The following CSMD1 variants were observed in gnomAD, a reference collection of about 807,000 sequenced individuals.
The protein encoded by CSMD1 is CUB and sushi domain-containing protein 1.
Under a neutral mutation model 417.5 loss-of-function variants are expected in CSMD1, and 213 were observed. That is an observed-to-expected ratio of 0.51 (90% CI 0.46 to 0.57). The LOEUF is 0.57. Ranked by LOEUF, CSMD1 falls within the 20% of genes least tolerant of loss-of-function variation. The probability of loss-of-function intolerance (pLI) is 0.00; values close to 1 mark genes in which losing one functional copy is unlikely to be tolerated. For missense variants in CSMD1, 6,923 were observed against 4,529.7 expected, an observed-to-expected ratio of 1.53 and a Z score of -15.17; for synonymous variants, 2,862 against 1,736.8, an observed-to-expected ratio of 1.65 and a Z score of -16.11.
At chr8:4,312,396 T>TATATATAC (rs1159507543) in intron 3 of CSMD1, among the ~76,000 whole-genome samples, 3 of 99,068 alleles carry the variant, frequency 3.0e-5, no homozygotes, top group African/African-American at 2.3e-4. Flanking sequence ...TATATATACA[T>TATATATAC]ACATATATAT....
chr8:3,772,476 T>TAC (rs1563064465), intron 5 of CSMD1, among the ~76,000 whole-genome samples: 358 of 34,300 alleles, frequency 0.01, 61 homozygotes, highest in Non-Finnish European at 0.012. Context: ...TACACATATA[T>TAC]ATACATATAT....
chr8:3,706,861 C>G (rs36062792), intron 7 of CSMD1, among the ~76,000 whole-genome samples: 1 of 151,914 alleles, frequency 6.6e-6, no homozygotes, highest in Non-Finnish European at 1.5e-5. Flanking sequence ...TTTTAAAAAA[C>G]CCTTTATTCC....
intron 25 of CSMD1, chr8:3,284,631 G>A: frequency 2.6e-6 from 1 of 388,046 alleles, no homozygotes; most frequent in South Asian, 2.7e-5. Flanking sequence ...TTGCTTTTGA[G>A]ACTTCCAGAT....
rs143869505 is a variant in CSMD1 at position 4,393,171 on chromosome 8, T to A, written c.415+26782A>T. 3.8e-3 allele frequency among the ~76,000 whole-genome samples: 580 copies of A among 151,950 alleles called. 21 individuals carry two copies. The East Asian group carries it at 0.084, about 22-fold the overall frequency. On this transcript the variant is annotated intron_variant, in intron 3 of 69. Coordinates refer to ENST00000635120, the MANE Select transcript of CSMD1 (RefSeq NM_033225.6). ...TTGTATTTTTAGTAGAGACGAAGTT[T>A]CACCATGTTGCCCAGGATGGTCTCA...
At chr8:4,234,071 CCCTG>C (rs1456870131) in intron 3 of CSMD1, among the ~76,000 whole-genome samples, 1 of 151,996 alleles carries the variant, frequency 6.6e-6, no homozygotes, top group East Asian at 1.9e-4. Context: ...AACCATTAAC[CCCTG>C]CCTAAGTACT....
intron 7 of CSMD1, among the ~76,000 whole-genome samples, chr8:3,689,184 T>G (rs1180533104): frequency 6.6e-5 from 10 of 152,198 alleles, no homozygotes; most frequent in African/African-American, 2.2e-4. Context: ...GTCATGACTT[T>G]CAGGGAGCTG....
chr8:4,686,985 C>G (rs534328878), intron 1 of CSMD1, among the ~76,000 whole-genome samples: 28 of 152,322 alleles, frequency 1.8e-4, no homozygotes, highest in African/African-American at 6.7e-4. Context: ...AGGGAGGTGG[C>G]AAGACCACTC....
In CSMD1 at chr8:4,908,510, A is replaced by G. The variant is rs60600396; in HGVS notation, c.85+85822T>C. Among the ~76,000 whole-genome samples, 497 of 151,440 alleles carry G rather than the reference A, an allele frequency of 3.3e-3. 4 individuals carry two copies. Among genetic ancestry groups the G allele is most frequent in the African/African-American group, 0.012 (477 of 41,400 alleles). ...ACGGTGTACCTTTTGAAACCATTCCATAGTTCTTGGATGTTCTCTTCTGTT... is the reference window on the plus strand; with the variant it reads ...ACGGTGTACCTTTTGAAACCATTCCGTAGTTCTTGGATGTTCTCTTCTGTT... On this transcript the variant is annotated intron_variant, in intron 1 of 69. Coordinates refer to ENST00000635120, the MANE Select transcript of CSMD1 (RefSeq NM_033225.6).
At chr8:4,161,123 A>T (rs1313695786) in intron 3 of CSMD1, among the ~76,000 whole-genome samples, 1 of 22,948 alleles carries the variant, frequency 4.4e-5, no homozygotes, top group Non-Finnish European at 1.8e-4. Context: ...AAATAATGTA[A>T]AAAAAAAAAA....
intron 1 of CSMD1, among the ~76,000 whole-genome samples, chr8:4,693,025 C>T (rs1806875856): frequency 6.6e-6 from 1 of 152,204 alleles, no homozygotes; most frequent in African/African-American, 2.4e-5. Context: ...CAACTCCTGT[C>T]CAGAGGCCAA....
At position 4,101,245 on chromosome 8, in the gene CSMD1, CCT is replaced by C. The variant is rs370442984; in HGVS notation, c.416-69148_416-69147del. 7.9e-4 allele frequency among the ~76,000 whole-genome samples: 121 copies of C among 152,256 alleles called. 3 individuals carry two copies. Among genetic ancestry groups the C allele is most frequent in the African/African-American group, 2.8e-3 (115 of 41,548 alleles). On this transcript the variant is annotated intron_variant, in intron 3 of 69. Coordinates refer to ENST00000635120, the MANE Select transcript of CSMD1 (RefSeq NM_033225.6). Reference sequence around the variant, plus strand: ...TCCTTTTGTTTTTTGCTGTTTCTCCCCTGAGGTTAACTCATTGCAACACTTTG... The same window carrying C: ...TCCTTTTGTTTTTTGCTGTTTCTCCCGAGGTTAACTCATTGCAACACTTTG...
intron 3 of CSMD1, among the ~76,000 whole-genome samples, chr8:4,235,954 G>A (rs1026311870): frequency 3.3e-5 from 5 of 149,708 alleles, no homozygotes; most frequent in South Asian, 2.1e-4. Context: ...AATTAACCTA[G>A]TTGCCAAAAT....
rs114479985 is a variant in CSMD1, at chr8:4,693,585, A to T, written c.86-56027T>A. Among the ~76,000 whole-genome samples the T allele has an allele frequency of 9.8e-3, 1,497 of 152,324 alleles. 20 individuals are homozygous for T. Among genetic ancestry groups the T allele is most frequent in the African/African-American group, 0.034 (1,399 of 41,566 alleles). On this transcript the variant is annotated intron_variant, in intron 1 of 69. Coordinates refer to ENST00000635120, the MANE Select transcript of CSMD1 (RefSeq NM_033225.6). Reference sequence around the variant, plus strand: ...TCAATCAAAACAGCCCATTAGGCAGAGTGGTATTGAGGTAAAACAACGGGA... The same window carrying T: ...TCAATCAAAACAGCCCATTAGGCAGTGTGGTATTGAGGTAAAACAACGGGA...
At chr8:3,345,590 A>G (rs936496555) in intron 22 of CSMD1, among the ~76,000 whole-genome samples, 3 of 152,150 alleles carry the variant, frequency 2.0e-5, no homozygotes, top group Admixed American at 1.3e-4. Context: ...TTTCCTAGTT[A>G]TATTTTTTCA....
chr8:4,221,196 T>G (rs891388532), intron 3 of CSMD1, among the ~76,000 whole-genome samples: 10 of 152,146 alleles, frequency 6.6e-5, no homozygotes, highest in African/African-American at 2.4e-4. Context: ...CTGGCTTTAG[T>G]CTCTGCCCCA....
intron 1 of CSMD1, among the ~76,000 whole-genome samples, chr8:4,953,306 T>A (rs1808872137): frequency 6.6e-6 from 1 of 152,128 alleles, no homozygotes; most frequent in African/African-American, 2.4e-5. Flanking sequence ...AAGTACAATA[T>A]CTATTCACAA....
At chr8:4,452,238 C>G (rs932614779) in intron 2 of CSMD1, among the ~76,000 whole-genome samples, 1 of 152,154 alleles carries the variant, frequency 6.6e-6, no homozygotes, top group Non-Finnish European at 1.5e-5. Context: ...ATTCCAACAA[C>G]CCAAACTGAA....
intron 5 of CSMD1, among the ~76,000 whole-genome samples, chr8:3,920,601 T>C (rs1052525397): frequency 3.3e-5 from 5 of 152,100 alleles, no homozygotes; most frequent in Non-Finnish European, 7.4e-5. Context: ...TTATGTACAT[T>C]AGTTATGGGC....
chr8:3,197,556 C>G (rs963396934), intron 33 of CSMD1, among the ~76,000 whole-genome samples: 1 of 151,470 alleles, frequency 6.6e-6, no homozygotes, highest in Non-Finnish European at 1.5e-5. Context: ...AGCTCCGCCT[C>G]CCGGGTTCAC....
Sources: gnomAD v4.1 joint callset for allele counts (sites outside exome capture counted in the v4.1 genomes callset) on GRCh38, gnomAD v4.1.1 for gene constraint, MANE v1.5 for transcripts, NCBI Gene and HGNC (gene_info 2026-07-23, HGNC 2026-07-21) for gene names.